AUTS2: variants seen among roughly 807,000 people sequenced by gnomAD.
AUTS2 encodes the protein activator of transcription and developmental regulator AUTS2.
In AUTS2, 17 loss-of-function variants were observed where a neutral mutation model predicts 112.4. The ratio of observed to expected loss-of-function variants is 0.15; its 90% CI spans 0.10 to 0.23. The LOEUF (loss-of-function observed/expected upper bound fraction) is 0.23, where lower values mean the gene tolerates loss of function less well. AUTS2 is among the 10% of genes least tolerant of loss of function. The pLI is 1.00. For synonymous variants in AUTS2, 751 were observed against 702.7 expected, an observed-to-expected ratio of 1.07 and a Z score of -1.09; for missense variants, 1,510 against 1,701.6, an observed-to-expected ratio of 0.89 and a Z score of 1.98.
chr7:70,073,394 C>T (rs900107467), intron 2 of AUTS2, among the ~76,000 whole-genome samples: 2 of 151,558 alleles, frequency 1.3e-5, no homozygotes, highest in South Asian at 2.1e-4. Context: ...ACCTGTAATC[C>T]CAGCTACTCG....
rs1297851456 is a variant in AUTS2 at position 70,555,833 on chromosome 7, C to T, written c.690+120052C>T. On this transcript the variant is annotated intron_variant, in intron 5 of 18. Coordinates refer to ENST00000342771, the MANE Select transcript of AUTS2 (RefSeq NM_015570.4). ...TTTTTTTTTTTTTGAGACAGAGTCT[C>T]GTCGCTCTGTCGCCCAGCTGGAGTG... 2.0e-5 allele frequency among the ~76,000 whole-genome samples: 3 copies of T among 148,114 alleles called. No homozygotes were observed. In the South Asian group the frequency reaches 6.5e-4, roughly 32 times the overall value.
At chr7:70,121,063 G>T (rs1002237296) in intron 3 of AUTS2, among the ~76,000 whole-genome samples, 3 of 152,100 alleles carry the variant, frequency 2.0e-5, no homozygotes, top group South Asian at 2.1e-4. Context: ...GCCTAAATGA[G>T]TTTTAACAAG....
intron 4 of AUTS2, among the ~76,000 whole-genome samples, chr7:70,222,220 GA>G (rs1811523801): frequency 6.6e-6 from 1 of 152,134 alleles, no homozygotes; most frequent in African/African-American, 2.4e-5. Flanking sequence ...AGGAAACTAA[GA>G]CAGCGAATAA....
chr7:69,961,541 C>T (rs1253216737), intron 2 of AUTS2, among the ~76,000 whole-genome samples: 1 of 152,084 alleles, frequency 6.6e-6, no homozygotes, highest in Non-Finnish European at 1.5e-5. Context: ...GAATATGTAA[C>T]TGTTCCTTTC....
chr7:69,920,056 A>T (rs1795746799), intron 2 of AUTS2, among the ~76,000 whole-genome samples: 1 of 101,888 alleles, frequency 9.8e-6, no homozygotes, highest in African/African-American at 3.9e-5. Flanking sequence ...GAGATAGTGT[A>T]ACTTTTTTGT....
chr7:69,763,289 G>T (rs958414583), intron 1 of AUTS2, among the ~76,000 whole-genome samples: 21 of 152,162 alleles, frequency 1.4e-4, no homozygotes, highest in African/African-American at 5.1e-4. Flanking sequence ...AGGATGATTA[G>T]GTAGAACCCC....
chr7:70,080,000 G>A (rs62458800), intron 2 of AUTS2, among the ~76,000 whole-genome samples: 5 of 152,014 alleles, frequency 3.3e-5, no homozygotes, highest in African/African-American at 1.2e-4. Flanking sequence ...CATTCATGAG[G>A]GTAGAGCCCT....
rs1585707084 is a variant in AUTS2, at chr7:70,792,228, A to T, written c.*1232A>T. ...ACCTTGTGGAGCCATCGCGAGTTAG[A>T]GGGTGAAAGATGGCAGAAAAAAAAG... is the stretch of plus-strand genomic sequence containing the variant. On this transcript the variant is annotated 3_prime_UTR_variant, in exon 19 of 19. Coordinates refer to ENST00000342771, the MANE Select transcript of AUTS2 (RefSeq NM_015570.4). 6.6e-6 allele frequency: 1 copy of T among 152,530 alleles called. No individual in the cohort carries two copies. Among genetic ancestry groups the T allele is most frequent in the East Asian group, 1.9e-4 (1 of 5,182 alleles). The allele number at this position is 152,530 out of a possible 1,614,324, so 9.4% of individuals were successfully genotyped here. A position where few individuals can be genotyped will look rare whatever the true frequency, so the allele number is the denominator to read the frequency against.
chr7:70,040,723 C>T (rs1397655281), intron 2 of AUTS2, among the ~76,000 whole-genome samples: 2 of 152,142 alleles, frequency 1.3e-5, no homozygotes, highest in African/African-American at 2.4e-5. Context: ...ACATGATTTG[C>T]TTTGTTGGGC....
At chr7:69,898,337 C>G (rs925219558) in intron 1 of AUTS2, among the ~76,000 whole-genome samples, 10 of 152,130 alleles carry the variant, frequency 6.6e-5, no homozygotes, top group African/African-American at 2.4e-4. Flanking sequence ...AAAACATTTT[C>G]ATTTTATTGC....
At chr7:69,794,907 T>A (rs1189133493) in intron 1 of AUTS2, among the ~76,000 whole-genome samples, 1 of 152,186 alleles carries the variant, frequency 6.6e-6, no homozygotes, top group Non-Finnish European at 1.5e-5. Context: ...GTGTCATACA[T>A]GTACCCAGCC....
intron 4 of AUTS2, among the ~76,000 whole-genome samples, chr7:70,351,294 T>C (rs1028772075): frequency 1.3e-5 from 2 of 152,170 alleles, no homozygotes. Flanking sequence ...CCTCTGGCGA[T>C]CCACCCGCCT....
At chr7:69,981,872 G>A (rs995883657) in intron 2 of AUTS2, among the ~76,000 whole-genome samples, 9 of 152,156 alleles carry the variant, frequency 5.9e-5, no homozygotes, top group African/African-American at 1.7e-4. Context: ...TACACACTTC[G>A]AGTTGGTAAT....
At chr7:70,058,398 C>T (rs1254037951) in intron 2 of AUTS2, among the ~76,000 whole-genome samples, 8 of 152,026 alleles carry the variant, frequency 5.3e-5, no homozygotes, top group Non-Finnish European at 1.5e-5. Context: ...GGTAAATTTC[C>T]CTGGAAAGTA....
chr7:70,656,006 C>T lies in AUTS2; in HGVS notation c.691-42563C>T, dbSNP rs150288666. Among the ~76,000 whole-genome samples the T allele has an allele frequency of 7.2e-3, 1,090 of 152,176 alleles. 19 individuals carry two copies. The highest frequency in any genetic ancestry group is 0.024 in the African/African-American group (1,011 of 41,520). Reference sequence around the variant, plus strand: ...AGGACTTCTTGATGCCCACCAGGATCGAGCTTGCCGAGTCTTTTGGATGTT... The same window carrying T: ...AGGACTTCTTGATGCCCACCAGGATTGAGCTTGCCGAGTCTTTTGGATGTT... On this transcript the variant is annotated intron_variant, in intron 5 of 18. Coordinates refer to ENST00000342771, the MANE Select transcript of AUTS2 (RefSeq NM_015570.4).
intron 1 of AUTS2, among the ~76,000 whole-genome samples, chr7:69,824,129 T>C (rs192833705): frequency 1.3e-5 from 2 of 152,078 alleles, no homozygotes; most frequent in African/African-American, 4.8e-5. Context: ...ATAAGTGTGA[T>C]ACGGCTGGGC....
In AUTS2 at chr7:70,386,577, T is replaced by C. The variant is rs564264138; in HGVS notation, c.661-49175T>C. On this transcript the variant is annotated intron_variant, in intron 4 of 18. Coordinates refer to ENST00000342771, the MANE Select transcript of AUTS2 (RefSeq NM_015570.4). The stretch of plus-strand genomic sequence containing the variant: ...ACTATCTCTGTGGATTTGCCTATTC[T>C]GAACATTTCATCTCTGAAATATCCT... Among the ~76,000 whole-genome samples, 5 of 152,342 alleles carry C rather than the reference T, an allele frequency of 3.3e-5. No homozygotes were observed. In the South Asian group the frequency reaches 6.2e-4, roughly 19 times the overall value.
At chr7:70,707,742 G>A (rs955572989) in intron 6 of AUTS2, among the ~76,000 whole-genome samples, 3 of 152,148 alleles carry the variant, frequency 2.0e-5, no homozygotes, top group African/African-American at 7.2e-5. Flanking sequence ...GCGCAGTGGG[G>A]CTCAGCTTAA....
At position 69,987,834 on chromosome 7, in the gene AUTS2, T is replaced by C. The variant is rs1741646144; in HGVS notation, c.522+88336T>C. Among the ~76,000 whole-genome samples, 4 of 152,232 alleles carry C rather than the reference T, an allele frequency of 2.6e-5. No individual in the cohort carries two copies. In the South Asian group the frequency reaches 8.3e-4, roughly 32 times the overall value. ...ACTATTTGATTGGTTTTAAAATATC[T>C]AGTTCATTTTCATGTTGTTCCAGAT... On this transcript the variant is annotated intron_variant, in intron 2 of 18. Coordinates refer to ENST00000342771, the MANE Select transcript of AUTS2 (RefSeq NM_015570.4).
Sources: gnomAD v4.1 joint callset for allele counts (sites outside exome capture counted in the v4.1 genomes callset) on GRCh38, gnomAD v4.1.1 for gene constraint, MANE v1.5 for transcripts, NCBI Gene and HGNC (gene_info 2026-07-23, HGNC 2026-07-21) for gene names.